CCDC9: variants seen among roughly 807,000 people sequenced by gnomAD.
CCDC9 encodes coiled-coil domain-containing protein 9.
CCDC9 carries 52 observed loss-of-function variants against 65.6 expected under a neutral mutation model. The ratio of observed to expected loss-of-function variants is 0.79; its 90% confidence interval spans 0.63 to 1.00. The LOEUF is 1.00. Ranked by LOEUF, CCDC9 falls within the 50% of genes least tolerant of loss-of-function variation. The pLI is 0.00. For synonymous variants in CCDC9, 332 were observed against 280.3 expected, an observed-to-expected ratio of 1.18 and a Z score of -1.84; for missense variants, 834 against 757.2, an observed-to-expected ratio of 1.10 and a Z score of -1.19.
chr19:47,275,404 C>G, downstream of CCDC9: 1 of 1,509,656 alleles, frequency 6.6e-7, no homozygotes, highest in Non-Finnish European at 8.9e-7. Flanking sequence ...GTGCTCCACG[C>G]CGAGGATGCA....
At position 47,265,984 on chromosome 19, in the gene CCDC9, C is replaced by CTTT. The variant is rs1158302196; in HGVS notation, c.721-600_721-598dup. 5.4e-4 allele frequency among the ~76,000 whole-genome samples: 39 copies of CTTT among 72,628 alleles called. 10 individuals are homozygous for CTTT. The highest frequency in any genetic ancestry group is 2.9e-3 in the African/African-American group (35 of 12,240). The allele number at this position is 72,628 out of a possible 152,430, so 47.6% of individuals were successfully genotyped here. On this transcript the variant is annotated intron_variant, in intron 7 of 11. Transcript: ENST00000221922. ...TACAGGCGTGAGCCACCGCTCCTGGCTTTTTTTTTTTTTTTTTTTTTTTTT... is the reference window on the plus strand; with the variant it reads ...TACAGGCGTGAGCCACCGCTCCTGGCTTTTTTTTTTTTTTTTTTTTTTTTTTTT...
At position 47,270,539 on chromosome 19, in the gene CCDC9, G is replaced by T; in HGVS notation, c.950-14G>T. 1 of 1,614,162 alleles carries T rather than the reference G, an allele frequency of 6.2e-7. No individual in the cohort carries two copies. Among genetic ancestry groups the T allele is most frequent in the Non-Finnish European group, 8.5e-7 (1 of 1,180,022 alleles). On this transcript the variant is annotated splice_polypyrimidine_tract_variant and intron_variant, in intron 9 of 11. Transcript: ENST00000221922. ...ACACCTTCCCTTCCCAATGACACCT[G>T]GGTTCTGTTGCAGATGACCAGGCCT... is the stretch of plus-strand genomic sequence containing the variant.
chr19:47,265,988 T>TTC lies in CCDC9; in HGVS notation c.721-622_721-621insCT, dbSNP rs1464936588. Among the ~76,000 whole-genome samples the TTC allele has an allele frequency of 2.4e-3, 170 of 72,274 alleles. 3 individuals carry two copies. Among genetic ancestry groups the TTC allele is most frequent in the African/African-American group, 9.0e-3 (166 of 18,376 alleles). The allele number at this position is 72,274 out of a possible 152,430, so 47.4% of individuals were successfully genotyped here. Reference sequence around the variant, plus strand: ...GGCGTGAGCCACCGCTCCTGGCTTTTTTTTTTTTTTTTTTTTTTTTTTTTT... The same window carrying TTC: ...GGCGTGAGCCACCGCTCCTGGCTTTTTCTTTTTTTTTTTTTTTTTTTTTTTTT... On this transcript the variant is annotated intron_variant, in intron 7 of 11. Coordinates refer to ENST00000221922, the MANE Select transcript of CCDC9 (RefSeq NM_015603.3).
At chr19:47,273,682 C>T (rs555800413), downstream of CCDC9, 1 of 387,184 alleles carries the variant, frequency 2.6e-6, no homozygotes, top group African/African-American at 2.1e-5. Flanking sequence ...CCGCGTTAGT[C>T]TCCCATGGAG....
downstream of CCDC9, chr19:47,275,025 T>C (rs1234831801): frequency 3.4e-6 from 5 of 1,487,822 alleles, 1 homozygote; most frequent in East Asian, 1.5e-4. Flanking sequence ...GGTATGCGCC[T>C]ACTTCCTCTG....
downstream of CCDC9, chr19:47,274,980 G>A (rs762385864): frequency 7.5e-6 from 11 of 1,462,342 alleles, no homozygotes; most frequent in South Asian, 1.2e-4. Flanking sequence ...GGGGCTGAGC[G>A]AGGGCCCGCG....
chr19:47,271,209 G>A (rs752421661), intron 11 of CCDC9, 22 bp downstream of exon 11: 3 of 1,606,544 alleles, frequency 1.9e-6, no homozygotes, highest in South Asian at 2.2e-5. Flanking sequence ...CTGTGGTTCA[G>A]GGCACGGGCC....
chr19:47,271,873 G>A lies in CCDC9; in HGVS notation c.*195G>A, dbSNP rs2059126547. ...AGCCCATGCTCTTCTGTACTGTCAT[G>A]CCCGTCTCTGGAATGTCCACTCCCA... is the stretch of plus-strand genomic sequence containing the variant. On this transcript the variant is annotated 3_prime_UTR_variant, in exon 12 of 12. Transcript: ENST00000221922. 2.2e-6 allele frequency: 3 copies of A among 1,360,046 alleles called. No individual in the cohort carries two copies. Among genetic ancestry groups the A allele is most frequent in the Non-Finnish European group, 2.8e-6 (3 of 1,059,176 alleles). The allele number at this position is 1,360,046 out of a possible 1,614,324, so 84.2% of individuals were successfully genotyped here.
chr19:47,269,372 T>C (rs2059101662), intron 8 of CCDC9, among the ~76,000 whole-genome samples: 1 of 152,078 alleles, frequency 6.6e-6, no homozygotes, highest in South Asian at 2.1e-4. Context: ...TTTGTTTTTT[T>C]GAGACTGAGT....
At chr19:47,269,716 A>G (rs1264298350) in intron 8 of CCDC9, among the ~76,000 whole-genome samples, 1 of 152,130 alleles carries the variant, frequency 6.6e-6, no homozygotes, top group Non-Finnish European at 1.5e-5. Context: ...AGCCAGTGAA[A>G]AACGTGGGAA....
chr19:47,270,217 C>T (rs1280658295), intron 8 of CCDC9, among the ~76,000 whole-genome samples, 190 bp from the exon 9 acceptor site: 2 of 151,976 alleles, frequency 1.3e-5, no homozygotes, highest in Non-Finnish European at 2.9e-5. Flanking sequence ...GATCTGTCTG[C>T]CTCGGCCTCC....
At chr19:47,260,230 G>A in intron 3 of CCDC9, 91 bp from the exon 4 acceptor site, 1 of 892,602 alleles carries the variant, frequency 1.1e-6, no homozygotes, top group Non-Finnish European at 1.8e-6. Flanking sequence ...GGCCTGGGCT[G>A]GGGCCAGACT....
chr19:47,271,063 C>T lies in CCDC9; in HGVS notation c.1086-19C>T. 1 of 1,521,770 alleles carries T rather than the reference C, an allele frequency of 6.6e-7. No homozygotes were observed. The allele number at this position is 1,521,770 out of a possible 1,614,324, so 94.3% of individuals were successfully genotyped here. A position where few individuals can be genotyped will look rare whatever the true frequency, so the allele number is the denominator to read the frequency against. On this transcript the variant is annotated intron_variant, in intron 10 of 11. Transcript: ENST00000221922. ...TCTACTCTCCACCCAGGCATCACCC[C>T]TCCCTCTGTTCCCTCTAGTGACCAT...
intron 5 of CCDC9, among the ~76,000 whole-genome samples, chr19:47,263,001 G>A (rs1265308075): frequency 6.6e-6 from 1 of 151,486 alleles, no homozygotes. Context: ...GAGCCAGCAG[G>A]ATCACTTGGG....
downstream of CCDC9, chr19:47,273,991 G>A (rs945221271): frequency 4.1e-5 from 40 of 984,666 alleles, no homozygotes; most frequent in Admixed American, 6.1e-5. Context: ...TGAAGACGCT[G>A]CTGGGAGGGG....
downstream of CCDC9, chr19:47,273,940 T>A: frequency 1.0e-6 from 1 of 982,158 alleles, no homozygotes; most frequent in Non-Finnish European, 1.2e-6. Flanking sequence ...ACCCTTCTGA[T>A]CCGTCTTCCC....
In CCDC9 at chr19:47,264,883, C is replaced by T. The variant is rs755816844; in HGVS notation, c.657C>T (p.His219=). ...ACCGCCGGGAGGAGAGCCGCCGGCA[C>T]GGCCGCAACTGGGGGGGCCCCGACT... ...ERDRREESRR[H]GRNWGGPDFE... The change falls in exon 7 of 12, where the codon CAC becomes CAT. Residue 219 remains histidine (H), a synonymous_variant. Transcript: ENST00000221922. The T allele has an allele frequency of 1.9e-5, 28 of 1,477,186 alleles. No homozygotes were observed. Among genetic ancestry groups the T allele is most frequent in the East Asian group, 1.2e-4 (5 of 42,426 alleles). 91.5% of individuals were successfully genotyped at this position (1,477,186 alleles called of 1,614,324 possible).
At chr19:47,262,203 G>A (rs1168568644) in intron 5 of CCDC9, among the ~76,000 whole-genome samples, 2 of 144,732 alleles carry the variant, frequency 1.4e-5, no homozygotes, top group Non-Finnish European at 3.0e-5. Flanking sequence ...AGGGACCCAG[G>A]TTCCTGCTTT....
At chr19:47,275,078 C>G, downstream of CCDC9, 4 of 1,496,386 alleles carry the variant, frequency 2.7e-6, no homozygotes, top group South Asian at 5.0e-5. Flanking sequence ...ACTACGGTCT[C>G]ATCTGGGTAC....
Sources: allele counts gnomAD v4.1 joint callset (sites outside exome capture counted in the v4.1 genomes callset), GRCh38; gene constraint gnomAD v4.1.1; transcripts MANE v1.5; gene names NCBI Gene and HGNC (gene_info 2026-07-23, HGNC 2026-07-21).